The following MLLT6 variants were observed in gnomAD, a reference collection of about 807,000 sequenced individuals.
MLLT6 encodes protein AF-17.
In MLLT6, 22 loss-of-function variants were observed where a neutral mutation model predicts 103.0. The observed-to-expected ratio is 0.21, with a 90% CI of 0.15 to 0.31. The LOEUF is 0.31. Ranked by LOEUF, MLLT6 falls within the 10% of genes least tolerant of loss-of-function variation. The pLI is 1.00. For synonymous variants in MLLT6, 606 were observed against 623.5 expected (o/e 0.97, Z 0.42); for missense variants, 1,199 against 1,441.7 (o/e 0.83, Z 2.73).
intron 8 of MLLT6, chr17:38,714,347 T>C (rs1206658101): frequency 6.6e-6 from 1 of 152,276 alleles, no homozygotes; most frequent in Non-Finnish European, 1.5e-5. Context: ...CCCTATACCA[T>C]GTATCTGGCA....
rs968603396 is a variant in MLLT6 at position 38,721,402 on chromosome 17, C to T, written c.2443-476C>T. Among the ~76,000 whole-genome samples, 3 of 152,166 alleles carry T rather than the reference C, an allele frequency of 2.0e-5. No homozygotes were observed. The South Asian group carries it at 6.2e-4, about 32-fold the overall frequency. On this transcript the variant is annotated intron_variant, in intron 16 of 19. Transcript: ENST00000621332. ...CTATGGAATAGGTACTACTGTTACCCCCCAGCTTACGAGTGAGTAAACTAA... is the reference window on the plus strand; with the variant it reads ...CTATGGAATAGGTACTACTGTTACCTCCCAGCTTACGAGTGAGTAAACTAA...
intron 2 of MLLT6, 99 bp downstream of exon 2, chr17:38,707,128 A>G: frequency 2.0e-6 from 2 of 1,011,756 alleles, no homozygotes; most frequent in East Asian, 2.7e-5. Context: ...CTAGGGTGGG[A>G]TTTAGCTCTG....
At chr17:38,712,172 GT>G in intron 7 of MLLT6, 158 bp downstream of exon 7, 1 of 949,996 alleles carries the variant, frequency 1.1e-6, no homozygotes, top group Non-Finnish European at 1.3e-6. Flanking sequence ...AAATGAAACG[GT>G]GGGGGGGTGA....
intron 19 of MLLT6, 139 bp downstream of exon 19, chr17:38,725,115 C>T (rs183242844): frequency 3.5e-5 from 22 of 634,164 alleles, no homozygotes; most frequent in Admixed American, 3.2e-4. Context: ...GCCTCAGACC[C>T]CAGGGCCTCT....
At chr17:38,715,437 C>T (rs1905292435) in intron 8 of MLLT6, 175 bp from the exon 9 acceptor site, 2 of 1,115,944 alleles carry the variant, frequency 1.8e-6, no homozygotes, top group African/African-American at 1.6e-5. Context: ...CAGCTGCCTC[C>T]CCATATCCCT....
Position 38,705,433 on chromosome 17 carries a change from C to T in MLLT6, c.-200C>T. The T allele has an allele frequency of 5.1e-6, 2 of 395,836 alleles. No individual in the cohort carries two copies. Among genetic ancestry groups the T allele is most frequent in the Non-Finnish European group, 4.6e-6 (1 of 217,808 alleles). 24.5% of individuals were successfully genotyped at this position (395,836 alleles called of 1,614,324 possible). A position where few individuals can be genotyped will look rare whatever the true frequency, so the allele number is the denominator to read the frequency against. ...GGCGAGAGCACGGCGGGGGGGGCGG[C>T]CAGACAGAGCGAGCGAGGAGGAGGA... On this transcript the variant is annotated 5_prime_UTR_variant, in exon 1 of 20. Transcript: ENST00000621332.
chr17:38,706,860 G>A (rs1904949434), intron 1 of MLLT6, 90 bp from the exon 2 acceptor site: 8 of 1,093,136 alleles, frequency 7.3e-6, no homozygotes, highest in Non-Finnish European at 1.1e-5. Context: ...ACTGGCTCTA[G>A]TCCTTTGGAG....
chr17:38,715,570 C>T (rs1162987196), intron 8 of MLLT6, 42 bp from the exon 9 acceptor site: 1 of 1,573,074 alleles, frequency 6.4e-7, no homozygotes, highest in Non-Finnish European at 8.6e-7. Context: ...CAGCACAGGC[C>T]CAGGCACCTG....
intron 6 of MLLT6, among the ~76,000 whole-genome samples, chr17:38,710,857 A>G (rs1029334682): frequency 1.3e-5 from 2 of 152,158 alleles, no homozygotes; most frequent in African/African-American, 2.4e-5. Context: ...GGGTTTGATG[A>G]TAGCTTAGGA....
rs190231245 is a variant in MLLT6, at chr17:38,709,631, G to C, written c.552+56G>C. The C allele has an allele frequency of 1.3e-4, 184 of 1,401,842 alleles. No homozygotes were observed. The African/African-American group carries it at 2.4e-3, about 18-fold the overall frequency. 86.8% of individuals were successfully genotyped at this position (1,401,842 alleles called of 1,614,324 possible). ...TCAGTCAGCTGTGGTAAGATGGTTA[G>C]AGGGCATGGGCTCTGGGCCAGGCCA... On this transcript the variant is annotated intron_variant, in intron 6 of 19. Transcript: ENST00000621332. This position sits in a 1 kb window ranked among gnomAD's most constrained non-coding sequence, Gnocchi z 4.3.
chr17:38,722,589 G>C (rs974731184), intron 17 of MLLT6, 89 bp from the exon 18 acceptor site: 1 of 773,646 alleles, frequency 1.3e-6, no homozygotes, highest in Non-Finnish European at 2.2e-6. Flanking sequence ...AGGGAGTCTA[G>C]GGGCTTGGGA....
In MLLT6 at chr17:38,717,624, A is replaced by T. The variant is rs1782441139; in HGVS notation, c.1833+11A>T. 1.2e-6 allele frequency: 2 copies of T among 1,609,778 alleles called. No homozygotes were observed. Among genetic ancestry groups the T allele is most frequent in the Admixed American group, 3.4e-5 (2 of 59,088 alleles). ...ATCTCCACCACTCAGGTGAGACCTG[A>T]CTCCTGGGCTCCTCCTTCCCTGGGC... On this transcript the variant is annotated intron_variant, in intron 11 of 19. Transcript: ENST00000621332.
Position 38,707,479 on chromosome 17 carries a change from T to C in MLLT6, c.190-7T>C, listed in dbSNP as rs372616869. On this transcript the variant is annotated splice_polypyrimidine_tract_variant and splice_region_variant and intron_variant, in intron 2 of 19. Coordinates refer to ENST00000621332, the MANE Select transcript of MLLT6 (RefSeq NM_005937.4). ...CCCCCAACCCCTGTGCACTCTTGCA[T>C]TGGCAGAGGTGTGAGCTGTGCCCAC... is the stretch of plus-strand genomic sequence containing the variant. 3 of 1,613,940 alleles carry C rather than the reference T, an allele frequency of 1.9e-6. No individual in the cohort carries two copies. Among genetic ancestry groups the C allele is most frequent in the African/African-American group, 2.7e-5 (2 of 74,908 alleles).
rs1367636165 is a variant in MLLT6, at chr17:38,726,968, CAGG to C, written c.*1373_*1375del. On this transcript the variant is annotated 3_prime_UTR_variant, in exon 20 of 20. Transcript: ENST00000621332. Reference sequence around the variant, plus strand: ...TTGGCACAGAGGCTGAGTGGACAGTCAGGAGAGAGGCGAGAGGCAAGGCGAAGC... The same window carrying C: ...TTGGCACAGAGGCTGAGTGGACAGTCAGAGAGGCGAGAGGCAAGGCGAAGC... 8.6e-6 allele frequency: 2 copies of C among 233,644 alleles called. No homozygotes were observed. Among genetic ancestry groups the C allele is most frequent in the Non-Finnish European group, 1.7e-5 (2 of 118,100 alleles). The allele number at this position is 233,644 out of a possible 1,614,324, so 14.5% of individuals were successfully genotyped here. A position where few individuals can be genotyped will look rare whatever the true frequency, so the allele number is the denominator to read the frequency against.
Position 38,724,575 on chromosome 17 carries a change from G to C in MLLT6, c.2884-45G>C. 1 of 1,471,124 alleles carries C rather than the reference G, an allele frequency of 6.8e-7. No individual in the cohort carries two copies. Among genetic ancestry groups the C allele is most frequent in the Non-Finnish European group, 9.2e-7 (1 of 1,089,700 alleles). 91.1% of individuals were successfully genotyped at this position (1,471,124 alleles called of 1,614,324 possible). A position where few individuals can be genotyped will look rare whatever the true frequency, so the allele number is the denominator to read the frequency against. On this transcript the variant is annotated intron_variant, in intron 18 of 19. Transcript: ENST00000621332. This position sits in a 1 kb window ranked among gnomAD's most constrained non-coding sequence, Gnocchi z 5.4. ...CAGGGCAGGCAGGCAGCAGGGAAGA[G>C]ACCCCCGGGACTGTTGGCCAACAAG...
chr17:38,722,242 A>G lies in MLLT6; in HGVS notation c.2792+15A>G. On this transcript the variant is annotated intron_variant, in intron 17 of 19. Coordinates refer to ENST00000621332, the MANE Select transcript of MLLT6 (RefSeq NM_005937.4). ...TGTCTCAACAGGTGAGGGAGAGCTCAGCCCTGGGAAGGGGAACAGGGTGGG... is the reference window on the plus strand; with the variant it reads ...TGTCTCAACAGGTGAGGGAGAGCTCGGCCCTGGGAAGGGGAACAGGGTGGG... 1 of 1,363,504 alleles carries G rather than the reference A, an allele frequency of 7.3e-7. No individual in the cohort carries two copies. The allele number at this position is 1,363,504 out of a possible 1,614,324, so 84.5% of individuals were successfully genotyped here.
chr17:38,714,527 CAG>C (rs1209244398), intron 8 of MLLT6: 1 of 152,238 alleles, frequency 6.6e-6, no homozygotes, highest in Middle Eastern at 3.2e-3. Flanking sequence ...CACCTGAGGT[CAG>C]GGGTTCGAGA....
At position 38,727,361 on chromosome 17, in the gene MLLT6, G is replaced by C. The variant is rs1944404786; in HGVS notation, c.*1763G>C. ...ATTTCTTAGGCACTTGCAAGGGCTT[G>C]GGGGAGGGGGAGGCAGTTGTGATGA... On this transcript the variant is annotated 3_prime_UTR_variant, in exon 20 of 20. Coordinates refer to ENST00000621332, the MANE Select transcript of MLLT6 (RefSeq NM_005937.4). The C allele has an allele frequency of 8.6e-6, 2 of 231,464 alleles. No homozygotes were observed. The highest frequency in any genetic ancestry group is 1.7e-5 in the Non-Finnish European group (2 of 117,034). 14.3% of individuals were successfully genotyped at this position (231,464 alleles called of 1,614,324 possible). A position where few individuals can be genotyped will look rare whatever the true frequency, so the allele number is the denominator to read the frequency against.
Position 38,726,968 on chromosome 17 carries a change from C to T in MLLT6, c.*1370C>T, listed in dbSNP as rs1047140282. 2 of 233,644 alleles carry T rather than the reference C, an allele frequency of 8.6e-6. No homozygotes were observed. Among genetic ancestry groups the T allele is most frequent in the African/African-American group, 4.4e-5 (2 of 45,356 alleles). The allele number at this position is 233,644 out of a possible 1,614,324, so 14.5% of individuals were successfully genotyped here. ...TTGGCACAGAGGCTGAGTGGACAGT[C>T]AGGAGAGAGGCGAGAGGCAAGGCGA... On this transcript the variant is annotated 3_prime_UTR_variant, in exon 20 of 20. Coordinates refer to ENST00000621332, the MANE Select transcript of MLLT6 (RefSeq NM_005937.4).
Sources: allele counts gnomAD v4.1 joint callset (sites outside exome capture counted in the v4.1 genomes callset), GRCh38; gene constraint gnomAD v4.1.1; non-coding constraint Gnocchi (gnomAD v3.1); transcripts MANE v1.5; gene names NCBI Gene and HGNC (gene_info 2026-07-23, HGNC 2026-07-21).